Variants in KANSL1 observed in about 807,000 individuals in gnomAD.
The protein encoded by KANSL1 is MLL1/MLL complex subunit KANSL1.
KANSL1 carries 22 observed loss-of-function variants against 103.6 expected under a neutral mutation model. That is an observed-to-expected ratio of 0.21 (90% CI 0.15 to 0.30). The LOEUF is 0.30. Ranked by LOEUF, KANSL1 falls within the 10% of genes least tolerant of loss-of-function variation. The pLI, the probability that KANSL1 is intolerant of heterozygous loss-of-function variation, is 1.00. For missense variants in KANSL1, 1,337 were observed against 1,399.8 expected (o/e 0.96, Z 0.72); for synonymous variants, 600 against 527.6 (o/e 1.14, Z -1.88).
chr17:46,033,473 GAACA>G lies in KANSL1; in HGVS notation c.2667-17_2667-14del. 6.2e-7 allele frequency: 1 copy of G among 1,613,528 alleles called. No individual in the cohort carries two copies. The highest frequency in any genetic ancestry group is 8.5e-7 in the Non-Finnish European group (1 of 1,179,466). ...AACCTCCCGCCAGCTGCAAAACCAA[GAACA>G]GACAATCATGAGATGGCAAGCAGGC... On this transcript the variant is annotated splice_polypyrimidine_tract_variant and intron_variant, in intron 11 of 14. Coordinates refer to ENST00000432791, the MANE Select transcript of KANSL1 (RefSeq NM_015443.4).
chr17:46,162,595 C>G (rs1042939098), intron 2 of KANSL1, among the ~76,000 whole-genome samples: 9 of 152,248 alleles, frequency 5.9e-5, no homozygotes, highest in African/African-American at 2.2e-4. Context: ...CAATCAGCCA[C>G]AAGCCCTCAT....
intron 2 of KANSL1, among the ~76,000 whole-genome samples, chr17:46,144,667 G>T (rs1006566038): frequency 6.7e-6 from 1 of 148,506 alleles, no homozygotes; most frequent in Non-Finnish European, 1.5e-5. Flanking sequence ...ATATCCAGGG[G>T]ATACTACATA....
chr17:46,190,179 G>A (rs1479699838), intron 1 of KANSL1, among the ~76,000 whole-genome samples: 1 of 152,226 alleles, frequency 6.6e-6, no homozygotes. Context: ...ACTAGAGATG[G>A]AAGAGTAGCC....
chr17:46,130,657 G>C (rs2043822377), intron 2 of KANSL1, among the ~76,000 whole-genome samples: 1 of 152,210 alleles, frequency 6.6e-6, no homozygotes, highest in Non-Finnish European at 1.5e-5. Flanking sequence ...AACCTAGAGA[G>C]TCAGTTCAAG....
chr17:46,196,539 A>G (rs540898184), upstream of KANSL1: 57 of 426,166 alleles, frequency 1.3e-4, no homozygotes, highest in African/African-American at 1.1e-3. Flanking sequence ...GATGCCACCA[A>G]CATCAAAGGG....
In KANSL1 at chr17:46,039,150, C is replaced by T. The variant is rs749337566; in HGVS notation, c.2269G>A (p.Val757Met). 1.2e-5 allele frequency: 20 copies of T among 1,611,826 alleles called. No homozygotes were observed. The highest frequency in any genetic ancestry group is 1.1e-4 in the South Asian group (10 of 90,844). The change falls in exon 9 of 15, where the codon GTG becomes ATG. Residue 757 changes from valine to methionine, a missense_variant. Transcript: ENST00000432791. ...HRQHLDDVGA[V>M]PMVERVTAPK... ...GCTGTCACTCGCTCCACCATGGGCACGGCCCCCACATCGTCTAAGTGCTGC... is the reference window on the plus strand; with the variant it reads ...GCTGTCACTCGCTCCACCATGGGCATGGCCCCCACATCGTCTAAGTGCTGC...
At chr17:46,210,974 G>A (rs1303656602) in intron 1 of KANSL1, among the ~76,000 whole-genome samples, 1 of 152,136 alleles carries the variant, frequency 6.6e-6, no homozygotes, top group East Asian at 1.9e-4. Context: ...TTCAACTCAA[G>A]CTTTCTAACC....
chr17:46,047,494 GA>G, intron 7 of KANSL1, among the ~76,000 whole-genome samples: 1 of 152,258 alleles, frequency 6.6e-6, no homozygotes, highest in Non-Finnish European at 1.5e-5. Flanking sequence ...GGCCCTTGAA[GA>G]AAAAGTTCAG....
At chr17:46,045,262 C>T (rs2077462987) in intron 7 of KANSL1, 1 of 152,120 alleles carries the variant, frequency 6.6e-6, no homozygotes, top group Admixed American at 6.6e-5. Flanking sequence ...TCTCTGCACC[C>T]ATGGGAATCT....
intron 1 of KANSL1, among the ~76,000 whole-genome samples, chr17:46,217,110 C>CAAA (rs33982904): frequency 9.0e-6 from 1 of 111,030 alleles, no homozygotes. Context: ...GACCCTGTCT[C>CAAA]AAAAAAAAAA....
chr17:46,144,128 G>A (rs1450401858), intron 2 of KANSL1, among the ~76,000 whole-genome samples: 1 of 152,184 alleles, frequency 6.6e-6, no homozygotes, highest in Non-Finnish European at 1.5e-5. Context: ...GTCAAGGAAA[G>A]ATATAACTAT....
At chr17:46,198,783 C>A (rs2047700472), upstream of KANSL1, among the ~76,000 whole-genome samples, 1 of 152,198 alleles carries the variant, frequency 6.6e-6, no homozygotes, top group African/African-American at 2.4e-5. Context: ...CATTCATGAA[C>A]TTAGATAACA....
intron 2 of KANSL1, among the ~76,000 whole-genome samples, chr17:46,152,617 A>G (rs2045182195): frequency 6.6e-6 from 1 of 151,716 alleles, no homozygotes; most frequent in Non-Finnish European, 1.5e-5. Flanking sequence ...TATTTAGATC[A>G]TGTCAAAAGG....
At chr17:46,045,035 T>C (rs1043142127) in intron 7 of KANSL1, 1 of 151,892 alleles carries the variant, frequency 6.6e-6, no homozygotes, top group African/African-American at 2.4e-5. Flanking sequence ...AAGTTGGAAA[T>C]CCTGCCACTT....
chr17:46,178,215 A>C (rs1324659723), intron 1 of KANSL1, among the ~76,000 whole-genome samples: 1 of 152,248 alleles, frequency 6.6e-6, no homozygotes, highest in Non-Finnish European at 1.5e-5. Context: ...GTTCTTAGAG[A>C]AGCTCAGGGC....
chr17:46,032,182 A>G lies in KANSL1; in HGVS notation c.2955T>C (p.His985=). ...TAATGGGGCTCCTAGGGGACTGACC[A>G]TGGGAGTATTCTGACAAAGAGTGGC... ...SSSHSLSEYS[H]GQSPRSPISP... Residue 985 remains histidine (H), a synonymous_variant, in exon 14 of 15, where the codon CAT becomes CAC. Transcript: ENST00000432791. 1.9e-6 allele frequency: 3 copies of G among 1,612,176 alleles called. No homozygotes were observed. Among genetic ancestry groups the G allele is most frequent in the Non-Finnish European group, 2.5e-6 (3 of 1,178,728 alleles).
intron 1 of KANSL1, among the ~76,000 whole-genome samples, chr17:46,210,880 T>A (rs1256163790): frequency 1.3e-5 from 2 of 152,230 alleles, no homozygotes; most frequent in Non-Finnish European, 1.5e-5. Flanking sequence ...AAGGGTTATC[T>A]AGCAGAAGAC....
chr17:46,078,695 A>G (rs770078843), intron 4 of KANSL1, among the ~76,000 whole-genome samples: 1 of 152,224 alleles, frequency 6.6e-6, no homozygotes, highest in Non-Finnish European at 1.5e-5. Flanking sequence ...TTACCTAGTA[A>G]TATGCACAGG....
intron 2 of KANSL1, among the ~76,000 whole-genome samples, chr17:46,100,986 T>G (rs924428395): frequency 6.6e-6 from 1 of 152,256 alleles, no homozygotes; most frequent in Non-Finnish European, 1.5e-5. Flanking sequence ...TACACAGTGC[T>G]ACATTCACAC....
Sources: allele counts gnomAD v4.1 joint callset (sites outside exome capture counted in the v4.1 genomes callset), GRCh38; gene constraint gnomAD v4.1.1; transcripts MANE v1.5; gene names NCBI Gene and HGNC (gene_info 2026-07-23, HGNC 2026-07-21).